GTF2E2: variants seen among roughly 807,000 people sequenced by gnomAD.
GTF2E2 encodes the protein general transcription factor IIE subunit 2.
A neutral mutation model predicts 40.5 loss-of-function variants in GTF2E2; 21 were observed. The observed-to-expected ratio is 0.52, with a 90% CI of 0.37 to 0.75. The LOEUF (loss-of-function observed/expected upper bound fraction) is 0.75, where lower values mean the gene tolerates loss of function less well. Among genes scored for constraint, GTF2E2 ranks in the 30% least tolerant of loss-of-function variants. The probability of loss-of-function intolerance (pLI) is 0.00; values close to 1 mark genes in which losing one functional copy is unlikely to be tolerated. For synonymous variants in GTF2E2, 117 were observed against 121.6 expected (o/e 0.96, Z 0.25); for missense variants, 298 against 338.4 (o/e 0.88, Z 0.94).
chr8:30,644,028 A>AT (rs1003431789), intron 2 of GTF2E2, among the ~76,000 whole-genome samples: 8 of 152,236 alleles, frequency 5.3e-5, no homozygotes, highest in African/African-American at 1.9e-4. Flanking sequence ...GTAGAACTAC[A>AT]TTTTTTCTCT....
At chr8:30,637,377 T>C (rs911128000) in intron 2 of GTF2E2, 2 of 441,086 alleles carry the variant, frequency 4.5e-6, no homozygotes, top group Non-Finnish European at 9.0e-6. Context: ...CTTATGTCTC[T>C]GGCATCTACT....
intron 4 of GTF2E2, among the ~76,000 whole-genome samples, chr8:30,612,903 G>A (rs931859792): frequency 2.0e-5 from 3 of 152,168 alleles, no homozygotes; most frequent in African/African-American, 7.2e-5. Flanking sequence ...AGCCAATACA[G>A]TGGCAAATTA....
intron 5 of GTF2E2, among the ~76,000 whole-genome samples, chr8:30,609,350 TA>T (rs59806723): frequency 0.79 from 119,470 of 150,814 alleles, 47,999 homozygotes; most frequent in African/African-American, 0.89. Flanking sequence ...CTGGAATGTT[TA>T]AACTGGTATA....
At chr8:30,583,939 G>A (rs1235851797) in intron 6 of GTF2E2, among the ~76,000 whole-genome samples, 4 of 149,492 alleles carry the variant, frequency 2.7e-5, no homozygotes, top group Non-Finnish European at 5.9e-5. Context: ...CCGAGTAGCT[G>A]GGACTACAGG....
At chr8:30,605,742 C>T (rs1829301108) in intron 6 of GTF2E2, among the ~76,000 whole-genome samples, 1 of 151,958 alleles carries the variant, frequency 6.6e-6, no homozygotes, top group African/African-American at 2.4e-5. Context: ...CTCACCGTAA[C>T]CTCTAACTCC....
chr8:30,586,102 AT>A (rs1023930216), intron 6 of GTF2E2, among the ~76,000 whole-genome samples: 1 of 152,176 alleles, frequency 6.6e-6, no homozygotes, highest in African/African-American at 2.4e-5. Context: ...ACAAAACCAA[AT>A]GCAGAATCTC....
chr8:30,605,014 C>A (rs1035792479), intron 6 of GTF2E2, among the ~76,000 whole-genome samples: 1 of 152,212 alleles, frequency 6.6e-6, no homozygotes, highest in Non-Finnish European at 1.5e-5. Context: ...ATCTGGGCTT[C>A]CCACTGCTAA....
At chr8:30,590,034 C>A (rs1426174816) in intron 6 of GTF2E2, among the ~76,000 whole-genome samples, 1 of 152,198 alleles carries the variant, frequency 6.6e-6, no homozygotes, top group African/African-American at 2.4e-5. Flanking sequence ...AGCATATGGT[C>A]ATGCTAACAC....
chr8:30,649,660 C>G (rs781702690), intron 2 of GTF2E2, among the ~76,000 whole-genome samples: 2 of 152,162 alleles, frequency 1.3e-5, no homozygotes, highest in Non-Finnish European at 2.9e-5. Flanking sequence ...GCCTGACCAA[C>G]ATGGCAAAAC....
At chr8:30,646,163 A>T (rs1802065023) in intron 2 of GTF2E2, 1 of 152,270 alleles carries the variant, frequency 6.6e-6, no homozygotes, top group African/African-American at 2.4e-5. Context: ...CCACAAGTAT[A>T]TTTGCACAAA....
Position 30,580,261 on chromosome 8 carries a change from C to T in GTF2E2, c.759+20G>A. ...GTTCCCAGGGCAGGGGATTAAGCTG[C>T]TTTGCTAGAGATTACGCACCACTTT... On this transcript the variant is annotated intron_variant, in intron 7 of 7. Coordinates refer to ENST00000355904, the MANE Select transcript of GTF2E2 (RefSeq NM_002095.6). 1 of 1,338,058 alleles carries T rather than the reference C, an allele frequency of 7.5e-7. No individual in the cohort carries two copies. Among genetic ancestry groups the T allele is most frequent in the Non-Finnish European group, 1.1e-6 (1 of 928,018 alleles). The allele number at this position is 1,338,058 out of a possible 1,614,324, so 82.9% of individuals were successfully genotyped here.
intron 6 of GTF2E2, chr8:30,597,661 T>C (rs956525397): frequency 6.6e-6 from 1 of 152,232 alleles, no homozygotes; most frequent in African/African-American, 2.4e-5. Context: ...AGCTCACTGA[T>C]GAATTCAAGA....
chr8:30,624,608 G>A (rs1026821327), intron 3 of GTF2E2, among the ~76,000 whole-genome samples: 1 of 151,996 alleles, frequency 6.6e-6, no homozygotes, highest in Non-Finnish European at 1.5e-5. Context: ...TGGGCAGTAT[G>A]GCCATTTTCA....
intron 3 of GTF2E2, among the ~76,000 whole-genome samples, chr8:30,627,205 T>A (rs1801304433): frequency 6.6e-6 from 1 of 152,190 alleles, no homozygotes; most frequent in Non-Finnish European, 1.5e-5. Flanking sequence ...AAACAGCTTG[T>A]TTATCCAGGC....
chr8:30,633,218 T>C (rs1017543740), intron 3 of GTF2E2, among the ~76,000 whole-genome samples: 2 of 152,138 alleles, frequency 1.3e-5, no homozygotes, highest in Non-Finnish European at 2.9e-5. Context: ...GCAGAAAAGT[T>C]TGATAGATGA....
intron 6 of GTF2E2, among the ~76,000 whole-genome samples, chr8:30,587,192 C>T (rs546212535): frequency 1.2e-4 from 18 of 152,118 alleles, no homozygotes; most frequent in African/African-American, 4.1e-4. Context: ...AGGAAGATTG[C>T]TTGAGCCTAG....
chr8:30,618,561 A>AT (rs1292464674), intron 3 of GTF2E2, among the ~76,000 whole-genome samples: 2 of 151,620 alleles, frequency 1.3e-5, no homozygotes, highest in African/African-American at 4.8e-5. Flanking sequence ...ATTGTGGAGA[A>AT]TTTTTTTTTA....
At chr8:30,655,429 AATT>A (rs1802421194) in intron 1 of GTF2E2, among the ~76,000 whole-genome samples, 1 of 97,022 alleles carries the variant, frequency 1.0e-5, no homozygotes, top group Non-Finnish European at 2.4e-5. Context: ...TATATAAATG[AATT>A]TGACACTGTT....
intron 5 of GTF2E2, among the ~76,000 whole-genome samples, chr8:30,609,866 T>C (rs1829432778): frequency 1.3e-5 from 2 of 152,152 alleles, no homozygotes; most frequent in African/African-American, 4.8e-5. Context: ...CCACTCTCTC[T>C]TGCTCCTGCT....
Sources: gnomAD v4.1 joint callset for allele counts (sites outside exome capture counted in the v4.1 genomes callset) on GRCh38, gnomAD v4.1.1 for gene constraint, MANE v1.5 for transcripts, NCBI Gene and HGNC (gene_info 2026-07-23, HGNC 2026-07-21) for gene names.